The following SURF4 variants were observed in gnomAD, a reference collection of about 807,000 sequenced individuals.
The protein encoded by SURF4 is surfeit 4.
Under a neutral mutation model 30.0 loss-of-function variants are expected in SURF4, and 3 were observed. The observed-to-expected ratio is 0.10, with a 90% confidence interval of 0.05 to 0.26. SURF4 has a LOEUF of 0.26. SURF4 is among the 10% of genes least tolerant of loss of function. The probability of loss-of-function intolerance (pLI) is 1.00; values close to 1 mark genes in which losing one functional copy is unlikely to be tolerated. For synonymous variants in SURF4, 143 were observed against 139.9 expected (o/e 1.02, Z -0.16); for missense variants, 217 against 350.8 (o/e 0.62, Z 3.05).
chr9:133,365,571 A>T (rs1051444668), intron 4 of SURF4, among the ~76,000 whole-genome samples: 8 of 152,200 alleles, frequency 5.3e-5, no homozygotes, highest in Non-Finnish European at 1.0e-4. Flanking sequence ...GTGATGAGCT[A>T]AAAAATAAAA....
Position 133,363,525 on chromosome 9 carries a change from C to T in SURF4, c.778G>A (p.Val260Ile). The T allele has an allele frequency of 6.2e-7, 1 of 1,614,218 alleles. No individual in the cohort carries two copies. Among genetic ancestry groups the T allele is most frequent in the Non-Finnish European group, 8.5e-7 (1 of 1,180,042 alleles). The part of the protein sequence containing the change: ...LLVVALGPGG[V>I]SMDEKKKEW ...TCCTTCTTCTTCTCATCCATGGAGA[C>T]ACCCCCAGGGCCCAGGGCCACCACC... The change falls in exon 6 of 6, where the codon GTC becomes ATC. Residue 260 changes from valine to isoleucine, a missense_variant. Physicochemically the swap from Val to Ile is conservative, Grantham distance 29 (BLOSUM62 3). Transcript: ENST00000371989. The surrounding 1 kb of genome is among the most constrained non-coding windows in gnomAD (Gnocchi z 4.3).
chr9:133,371,046 A>G, intron 1 of SURF4: 1 of 1,265,264 alleles, frequency 7.9e-7, no homozygotes, highest in Non-Finnish European at 1.0e-6. Context: ...AATTAATTAT[A>G]TCCACCCTGA....
At chr9:133,365,902 A>T in intron 4 of SURF4, 83 bp downstream of exon 4, 1 of 1,421,680 alleles carries the variant, frequency 7.0e-7, no homozygotes, top group South Asian at 1.2e-5. Flanking sequence ...GATTTTTCCC[A>T]TTTTGGAGCA....
chr9:133,376,033 C>T lies in SURF4; in HGVS notation c.-64G>A. On this transcript the variant is annotated 5_prime_UTR_variant, in exon 1 of 6. Transcript: ENST00000371989. ...TCGCTGGCTCTCGCCCGTCGGCGCCCGCACCCGCTGCGGCCTCCACAGGAA... is the reference window on the plus strand; with the variant it reads ...TCGCTGGCTCTCGCCCGTCGGCGCCTGCACCCGCTGCGGCCTCCACAGGAA... The T allele has an allele frequency of 8.2e-7, 1 of 1,215,500 alleles. No homozygotes were observed. The highest frequency in any genetic ancestry group is 1.0e-6 in the Non-Finnish European group (1 of 976,460). 75.3% of individuals were successfully genotyped at this position (1,215,500 alleles called of 1,614,324 possible). A position where few individuals can be genotyped will look rare whatever the true frequency, so the allele number is the denominator to read the frequency against.
At chr9:133,366,507 G>C in intron 3 of SURF4, 92 bp downstream of exon 3, 7 of 1,380,702 alleles carry the variant, frequency 5.1e-6, no homozygotes, top group Non-Finnish European at 2.0e-6. Flanking sequence ...GGGCTGAAGG[G>C]GGAGTGACAC....
intron 1 of SURF4, among the ~76,000 whole-genome samples, chr9:133,369,994 C>G (rs1837406011): frequency 6.6e-6 from 1 of 152,162 alleles, no homozygotes; most frequent in Admixed American, 6.5e-5. Context: ...GCAATCCATA[C>G]CCAAGACAGA....
chr9:133,372,458 C>T (rs1007866479), intron 1 of SURF4: 5 of 381,904 alleles, frequency 1.3e-5, no homozygotes, highest in Non-Finnish European at 3.6e-6. Flanking sequence ...AAGATGGTGA[C>T]GCTCTGGCCA....
intron 1 of SURF4, among the ~76,000 whole-genome samples, chr9:133,375,539 G>A (rs1312078517): frequency 6.6e-6 from 1 of 152,234 alleles, no homozygotes; most frequent in Non-Finnish European, 1.5e-5. Flanking sequence ...AAAAACGTGC[G>A]GGGACCCCCC....
intron 1 of SURF4, chr9:133,372,682 C>T (rs1182885043): frequency 4.7e-5 from 46 of 973,116 alleles, no homozygotes; most frequent in Non-Finnish European, 5.5e-5. Context: ...GGATGTGTCA[C>T]TTTATCTGAT....
At chr9:133,377,566 G>A (rs2130254820), upstream of SURF4, among the ~76,000 whole-genome samples, 3 of 152,330 alleles carry the variant, frequency 2.0e-5, no homozygotes, top group East Asian at 1.9e-4. Context: ...GGGAGGCTGA[G>A]GCTGGAGAAT....
At chr9:133,371,830 C>A (rs1197505956) in intron 1 of SURF4, among the ~76,000 whole-genome samples, 1 of 152,182 alleles carries the variant, frequency 6.6e-6, no homozygotes, top group African/African-American at 2.4e-5. Context: ...GCTTCCCCAG[C>A]ACTTCAACTA....
chr9:133,376,205 C>A, upstream of SURF4: 1 of 1,275,160 alleles, frequency 7.8e-7, no homozygotes, highest in Non-Finnish European at 9.8e-7. Flanking sequence ...CCGACCCATC[C>A]GCTCGAAGCC....
intron 3 of SURF4, 28 bp downstream of exon 3, chr9:133,366,571 G>A (rs2130127593): frequency 6.2e-7 from 1 of 1,612,288 alleles, no homozygotes; most frequent in South Asian, 1.1e-5. Flanking sequence ...GCAAAGAGAA[G>A]GGAGCCCCGA....
At chr9:133,372,473 C>T (rs2130197471) in intron 1 of SURF4, 76 of 541,326 alleles carry the variant, frequency 1.4e-4, no homozygotes, top group Non-Finnish European at 1.7e-4. Context: ...TGGCCAACCT[C>T]CTACAGTCAA....
At chr9:133,364,523 T>C (rs1837041226) in intron 5 of SURF4, among the ~76,000 whole-genome samples, 2 of 152,122 alleles carry the variant, frequency 1.3e-5, no homozygotes, top group South Asian at 4.2e-4. Context: ...AAACCCTGTC[T>C]CTACTAAAAA....
intron 1 of SURF4, among the ~76,000 whole-genome samples, chr9:133,374,716 C>T (rs904112076): frequency 1.3e-5 from 2 of 152,048 alleles, no homozygotes; most frequent in African/African-American, 4.8e-5. Context: ...CAATGAGAAC[C>T]GATGGTGAGG....
intron 1 of SURF4, among the ~76,000 whole-genome samples, chr9:133,371,368 G>C (rs142667095): frequency 6.6e-5 from 10 of 152,286 alleles, no homozygotes; most frequent in African/African-American, 2.4e-4. Context: ...TGCAGCTCCA[G>C]AACTTCCCCG....
intron 4 of SURF4, 91 bp downstream of exon 4, chr9:133,365,894 T>G (rs1464475970): frequency 5.1e-6 from 7 of 1,359,404 alleles, no homozygotes; most frequent in Non-Finnish European, 7.3e-6. Context: ...GTGCCCAAGA[T>G]TTTTCCCATT....
intron 1 of SURF4, among the ~76,000 whole-genome samples, chr9:133,372,203 T>C (rs1213725032): frequency 1.3e-5 from 2 of 152,208 alleles, no homozygotes; most frequent in African/African-American, 4.8e-5. Context: ...AAGAGGACAC[T>C]GTCCCTGGCT....
Sources: gnomAD v4.1 joint callset for allele counts (sites outside exome capture counted in the v4.1 genomes callset) on GRCh38, gnomAD v4.1.1 for gene constraint, Gnocchi (gnomAD v3.1) non-coding constraint, MANE v1.5 for transcripts, NCBI Gene and HGNC (gene_info 2026-07-23, HGNC 2026-07-21) for gene names.